COL28A1: variants seen among roughly 807,000 people sequenced by gnomAD.
COL28A1 encodes the protein collagen alpha-1(XXVIII) chain.
A neutral mutation model predicts 150.2 loss-of-function variants in COL28A1; 161 were observed. The observed-to-expected ratio is 1.07, with a 90% CI of 0.94 to 1.22. The LOEUF is 1.22. COL28A1 is among the 50% of genes most tolerant of loss of function. The pLI, the probability that COL28A1 is intolerant of heterozygous loss-of-function variation, is 0.00. For synonymous variants in COL28A1, 552 were observed against 469.7 expected, an observed-to-expected ratio of 1.18 and a Z score of -2.26; for missense variants, 1,617 against 1,388.3, an observed-to-expected ratio of 1.16 and a Z score of -2.62.
chr7:7,517,740 C>G (rs1781494775), intron 7 of COL28A1, 56 bp downstream of exon 7: 2 of 1,611,456 alleles, frequency 1.2e-6, no homozygotes, highest in Non-Finnish European at 1.7e-6. Flanking sequence ...TGGTCAACCA[C>G]AAAATCAGTA....
intron 25 of COL28A1, among the ~76,000 whole-genome samples, chr7:7,422,560 C>T (rs1784432945): frequency 6.6e-6 from 1 of 151,740 alleles, no homozygotes; most frequent in African/African-American, 2.4e-5. Context: ...ACCCGGGAGG[C>T]AGAGGTTGCA....
rs755821980 is a variant in COL28A1 at position 7,381,546 on chromosome 7, T to C, written c.2203A>G (p.Lys735Glu). 1 of 1,612,314 alleles carries C rather than the reference T, an allele frequency of 6.2e-7. No individual in the cohort carries two copies. Among genetic ancestry groups the C allele is most frequent in the South Asian group, 1.1e-5 (1 of 91,018 alleles). The change falls in exon 28 of 35, where the codon AAG becomes GAG. Residue 735 changes from lysine to glutamate, a missense_variant and splice_region_variant. By Grantham distance (56) the Lys-to-Glu change is moderately conservative (BLOSUM62 1). Transcript: ENST00000399429. ...GTMGHGLPGQ[K>E]GEHGERGDVG... ...CTCTAAGATCCTGAGACACTTACCTTCTGGCCTGGGAGGCCATGGCCCATT... is the reference window on the plus strand; with the variant it reads ...CTCTAAGATCCTGAGACACTTACCTCCTGGCCTGGGAGGCCATGGCCCATT...
intron 23 of COL28A1, 144 bp from the exon 24 acceptor site, chr7:7,432,844 C>A: frequency 1.6e-6 from 1 of 623,830 alleles, no homozygotes; most frequent in South Asian, 2.2e-5. Context: ...TACTTTAATT[C>A]TTAAAATTAT....
At chr7:7,437,556 A>C (rs113886252) in intron 21 of COL28A1, 94 bp from the exon 22 acceptor site, 41,773 of 1,470,900 alleles carry the variant, frequency 0.028, 846 homozygotes, top group Non-Finnish European at 0.029. Context: ...GCAGATTTTT[A>C]AATTATGTTA....
intron 25 of COL28A1, chr7:7,431,140 G>A (rs10486161): frequency 0.14 from 20,883 of 152,996 alleles, 1,482 homozygotes; most frequent in Middle Eastern, 0.22. Flanking sequence ...CATTAAGCAC[G>A]TACAACATCT....
At chr7:7,543,798 A>C in the COL28A1 span, among the ~76,000 whole-genome samples, 5 of 151,090 alleles carry the variant, frequency 3.3e-5, no homozygotes. Flanking sequence ...ATTTAATAAT[A>C]TCTGCGGTTA....
chr7:7,348,471 C>G, the COL28A1 span, among the ~76,000 whole-genome samples: 1 of 150,360 alleles, frequency 6.7e-6, no homozygotes, highest in South Asian at 2.1e-4. Flanking sequence ...CACTCTCACT[C>G]GCTCACTCTC....
At chr7:7,502,691 CTTT>C (rs763064730) in intron 11 of COL28A1, among the ~76,000 whole-genome samples, 1 of 73,922 alleles carries the variant, frequency 1.4e-5, no homozygotes, top group Non-Finnish European at 2.2e-5. Context: ...TATTCCCTTC[CTTT>C]TTTTTTTTTT....
At chr7:7,346,883 A>T in the COL28A1 span, among the ~76,000 whole-genome samples, 4 of 152,102 alleles carry the variant, frequency 2.6e-5, no homozygotes, top group Non-Finnish European at 5.9e-5. Flanking sequence ...CCAACATTCC[A>T]CTTAAAAATT....
intron 14 of COL28A1, 29 bp downstream of exon 14, chr7:7,477,083 C>T (rs1391890942): frequency 5.4e-6 from 5 of 930,820 alleles, no homozygotes; most frequent in East Asian, 4.8e-5. Context: ...AGACAAAGCA[C>T]CTTTTCCTGG....
intron 33 of COL28A1, among the ~76,000 whole-genome samples, chr7:7,369,137 G>C (rs886588908): frequency 6.6e-6 from 1 of 152,212 alleles, no homozygotes; most frequent in East Asian, 1.9e-4. Context: ...CTCTTGTTTA[G>C]GAAGGCTTTA....
chr7:7,490,971 T>C (rs1056051220), intron 11 of COL28A1, among the ~76,000 whole-genome samples: 5 of 152,190 alleles, frequency 3.3e-5, no homozygotes, highest in Non-Finnish European at 5.9e-5. Flanking sequence ...CATTCATAAA[T>C]ATAATTTTTT....
intron 27 of COL28A1, among the ~76,000 whole-genome samples, chr7:7,392,975 T>C (rs1442814565): frequency 6.6e-6 from 1 of 152,108 alleles, no homozygotes; most frequent in Non-Finnish European, 1.5e-5. Context: ...AGCCTACTTC[T>C]GTCAATTCGT....
chr7:7,386,937 C>A (rs1782221429), intron 27 of COL28A1, among the ~76,000 whole-genome samples: 1 of 152,146 alleles, frequency 6.6e-6, no homozygotes, highest in South Asian at 2.1e-4. Context: ...GGTGAGGGTC[C>A]ATTTCCTGGT....
At chr7:7,415,790 C>G (rs1464706942) in intron 27 of COL28A1, among the ~76,000 whole-genome samples, 1 of 152,022 alleles carries the variant, frequency 6.6e-6, no homozygotes, top group Admixed American at 6.6e-5. Flanking sequence ...CCTCGGCCTC[C>G]CAAAGTGCTG....
chr7:7,440,234 A>G (rs1180442072), intron 21 of COL28A1, among the ~76,000 whole-genome samples: 2 of 152,154 alleles, frequency 1.3e-5, no homozygotes, highest in Non-Finnish European at 2.9e-5. Context: ...TCTCTGAATA[A>G]TTCGATGTAT....
At chr7:7,390,483 A>G (rs1204760544) in intron 27 of COL28A1, among the ~76,000 whole-genome samples, 3 of 152,090 alleles carry the variant, frequency 2.0e-5, no homozygotes, top group African/African-American at 4.8e-5. Flanking sequence ...CCAGGTTTTC[A>G]TATCAGGATA....
At position 7,437,501 on chromosome 7, in the gene COL28A1, G is replaced by C. The variant is rs768517210; in HGVS notation, c.1723-39C>G. Reference sequence around the variant, plus strand: ...AAATGCTCACTACATTTCAAGCAGAGAAAGCACATATAGAGACAATATTAA... The same window carrying C: ...AAATGCTCACTACATTTCAAGCAGACAAAGCACATATAGAGACAATATTAA... On this transcript the variant is annotated intron_variant, in intron 21 of 34. Transcript: ENST00000399429. The C allele has an allele frequency of 5.0e-6, 8 of 1,600,888 alleles. No homozygotes were observed. The South Asian group carries it at 9.1e-5, about 18-fold the overall frequency.
Position 7,418,018 on chromosome 7 carries a change from A to G in COL28A1, c.2068-91T>C. On this transcript the variant is annotated intron_variant, in intron 26 of 34. Coordinates refer to ENST00000399429, the MANE Select transcript of COL28A1 (RefSeq NM_001037763.3). ...TATTACTACTCTCAGCTGCATTCTT[A>G]CTTCAGTCTGACCAGGACTTTCATG... 7.8e-6 allele frequency: 8 copies of G among 1,021,808 alleles called. No homozygotes were observed. In the South Asian group the frequency reaches 1.0e-4, roughly 13 times the overall value. The allele number at this position is 1,021,808 out of a possible 1,614,324, so 63.3% of individuals were successfully genotyped here. A position where few individuals can be genotyped will look rare whatever the true frequency, so the allele number is the denominator to read the frequency against.
Sources: gnomAD v4.1 joint callset for allele counts (sites outside exome capture counted in the v4.1 genomes callset) on GRCh38, gnomAD v4.1.1 for gene constraint, MANE v1.5 for transcripts, NCBI Gene and HGNC (gene_info 2026-07-23, HGNC 2026-07-21) for gene names.